IVD: variants seen among roughly 807,000 people sequenced by gnomAD.
IVD encodes isovaleryl-CoA dehydrogenase, mitochondrial.
IVD carries 31 observed loss-of-function variants against 51.3 expected under a neutral mutation model. That is an observed-to-expected ratio of 0.60 (90% CI 0.45 to 0.81). The LOEUF is 0.81. Ranked by LOEUF, IVD falls within the 40% of genes least tolerant of loss-of-function variation. The probability of loss-of-function intolerance (pLI) is 0.00; values close to 1 mark genes in which losing one functional copy is unlikely to be tolerated. For missense variants in IVD, 475 were observed against 552.0 expected (o/e 0.86, Z 1.40); for synonymous variants, 205 against 219.4 (o/e 0.93, Z 0.58).
intron 6 of IVD, among the ~76,000 whole-genome samples, chr15:40,412,032 G>A (rs1326590345): frequency 6.6e-6 from 1 of 152,232 alleles, no homozygotes; most frequent in Non-Finnish European, 1.5e-5. Context: ...TGGGTGGGAT[G>A]CAAGTGGAGA....
intron 1 of IVD, among the ~76,000 whole-genome samples, 175 bp from the exon 2 acceptor site, chr15:40,407,460 CT>C (rs1232519136): frequency 6.6e-6 from 1 of 152,248 alleles, no homozygotes; most frequent in Admixed American, 6.5e-5. Flanking sequence ...GCTGTCTAGG[CT>C]GAAGACCTTA....
At chr15:40,431,175 G>A (rs1331562200) in intron 7 of IVD, among the ~76,000 whole-genome samples, 3 of 150,714 alleles carry the variant, frequency 2.0e-5, no homozygotes, top group African/African-American at 7.4e-5. Flanking sequence ...TGGAGAACGG[G>A]GTCTCGCTTT....
At chr15:40,406,004 G>T (rs906489051) in intron 1 of IVD, 33 bp downstream of exon 1, 2 of 1,252,730 alleles carry the variant, frequency 1.6e-6, no homozygotes, top group Non-Finnish European at 2.2e-6. Flanking sequence ...TGGCCCCAAG[G>T]CCTCCTTCCT....
chr15:40,427,634 G>A (rs1466654017), downstream of IVD, among the ~76,000 whole-genome samples: 2 of 152,190 alleles, frequency 1.3e-5, no homozygotes, highest in East Asian at 3.9e-4. Context: ...GGCATACAGT[G>A]GGTCTCTTTA....
chr15:40,424,050 C>A (rs1216998469), downstream of IVD: 29 of 815,716 alleles, frequency 3.6e-5, no homozygotes, highest in Non-Finnish European at 4.8e-5. Context: ...TCACCCACCA[C>A]CCAGCCACTC....
rs1014641699 is a variant in IVD at position 40,419,763 on chromosome 15, C to T, written c.*1500C>T. ...GGCAGAGTTTGCAGTGAGCCAAGAT[C>T]ACACCACTGCACTCCAGCTTGGACG... is the stretch of plus-strand genomic sequence containing the variant. On this transcript the variant is annotated 3_prime_UTR_variant, in exon 12 of 12. Transcript: ENST00000487418. 6.5e-6 allele frequency: 1 copy of T among 154,050 alleles called. No homozygotes were observed. Among genetic ancestry groups the T allele is most frequent in the African/African-American group, 2.4e-5 (1 of 41,456 alleles). 9.5% of individuals were successfully genotyped at this position (154,050 alleles called of 1,614,324 possible). A position where few individuals can be genotyped will look rare whatever the true frequency, so the allele number is the denominator to read the frequency against.
chr15:40,418,647 C>CT lies in IVD; in HGVS notation c.*387dup. ...CCTGGGGGCATGCAGGTACCCACCT[C>CT]TTTCTCTTGGGTGAGGCTCTGGCAA... On this transcript the variant is annotated 3_prime_UTR_variant, in exon 12 of 12. Transcript: ENST00000487418. 2 of 1,151,468 alleles carry CT rather than the reference C, an allele frequency of 1.7e-6. No individual in the cohort carries two copies. Among genetic ancestry groups the CT allele is most frequent in the Non-Finnish European group, 2.2e-6 (2 of 925,712 alleles). The allele number at this position is 1,151,468 out of a possible 1,614,324, so 71.3% of individuals were successfully genotyped here.
intron 3 of IVD, among the ~76,000 whole-genome samples, chr15:40,409,211 G>T (rs568924060): frequency 1.3e-5 from 2 of 152,224 alleles, no homozygotes; most frequent in South Asian, 4.2e-4. Flanking sequence ...GAATCAGATT[G>T]TATTTTACGG....
chr15:40,422,284 A>G (rs1016424755), downstream of IVD, among the ~76,000 whole-genome samples: 5 of 152,052 alleles, frequency 3.3e-5, no homozygotes, highest in African/African-American at 1.2e-4. Context: ...ATCATTTCAT[A>G]AAAGGCTTTT....
At chr15:40,408,772 G>T (rs2141309911) in intron 3 of IVD, among the ~76,000 whole-genome samples, 1 of 152,192 alleles carries the variant, frequency 6.6e-6, no homozygotes, top group African/African-American at 2.4e-5. Flanking sequence ...CCAACATGGA[G>T]AAACTCTGTC....
At chr15:40,414,737 C>T in intron 7 of IVD, 152 bp from the exon 8 acceptor site, 1 of 1,371,940 alleles carries the variant, frequency 7.3e-7, no homozygotes, top group East Asian at 2.7e-5. Flanking sequence ...TCACTTGATC[C>T]TTTTCTTTCA....
chr15:40,425,507 T>G (rs1892621883), downstream of IVD, among the ~76,000 whole-genome samples: 1 of 151,166 alleles, frequency 6.6e-6, no homozygotes, highest in South Asian at 2.1e-4. Context: ...TTGTATAGTT[T>G]TTGTTTTCTT....
intron 3 of IVD, among the ~76,000 whole-genome samples, chr15:40,408,374 C>T (rs1426827446): frequency 6.6e-6 from 1 of 152,222 alleles, no homozygotes; most frequent in Non-Finnish European, 1.5e-5. Context: ...TTTGTCCTAC[C>T]AGTGGCCTCT....
chr15:40,416,099 G>A lies in IVD; in HGVS notation c.982G>A (p.Asp328Asn). The change falls in exon 10 of 12, where the codon GAC becomes AAC. Residue 328 changes from aspartate to asparagine, a missense_variant. Transcript: ENST00000487418. ...HFQLMQGKMA[D>N]MYTRLMACRQ... is the part of the protein sequence containing the mutation. ...CCAGTTGATGCAGGGGAAGATGGCTGACATGTACACCCGCCTCATGGCGTG... is the reference window on the plus strand; with the variant it reads ...CCAGTTGATGCAGGGGAAGATGGCTAACATGTACACCCGCCTCATGGCGTG... 1 of 1,614,266 alleles carries A rather than the reference G, an allele frequency of 6.2e-7. No individual in the cohort carries two copies. The highest frequency in any genetic ancestry group is 8.5e-7 in the Non-Finnish European group (1 of 1,180,058).
intron 3 of IVD, among the ~76,000 whole-genome samples, chr15:40,408,794 T>C (rs1890741607): frequency 6.6e-6 from 1 of 151,968 alleles, no homozygotes; most frequent in African/African-American, 2.4e-5. Flanking sequence ...CTACTAAAAA[T>C]ACAAAATTAG....
chr15:40,433,447 C>A (rs1893093089), intron 7 of IVD, among the ~76,000 whole-genome samples: 1 of 152,168 alleles, frequency 6.6e-6, no homozygotes, highest in Non-Finnish European at 1.5e-5. Flanking sequence ...ATCTGGATTT[C>A]TTCATCTTCC....
intron 3 of IVD, among the ~76,000 whole-genome samples, chr15:40,410,137 C>T (rs904404698): frequency 6.6e-6 from 1 of 152,152 alleles, no homozygotes; most frequent in African/African-American, 2.4e-5. Flanking sequence ...GCCTGGCCTC[C>T]AGTCCTGCTT....
intron 1 of IVD, chr15:40,406,407 A>C (rs1890422059): frequency 8.3e-7 from 1 of 1,197,776 alleles, no homozygotes; most frequent in Non-Finnish European, 1.1e-6. Context: ...TTTTTGTATA[A>C]ACAGTTTGGG....
rs138427412 is a variant in IVD, at chr15:40,415,413, G to T, written c.891G>T (p.Ala297=). The T allele has an allele frequency of 6.8e-6, 11 of 1,614,106 alleles. No homozygotes were observed. Among genetic ancestry groups the T allele is most frequent in the Non-Finnish European group, 9.3e-6 (11 of 1,180,014 alleles). Residue 297 remains alanine (A), a synonymous_variant, in exon 9 of 12, where the codon GCG becomes GCT. Transcript: ENST00000487418. ...TCCTTTCTGACAGGCTCATGCAAGC[G>T]GTCCTGGACCACACCATTCCCTACC... is the stretch of plus-strand genomic sequence containing the variant. The part of the protein sequence containing the change: ...LAGGPLGLMQ[A]VLDHTIPYLH...
Sources: gnomAD v4.1 joint callset for allele counts (sites outside exome capture counted in the v4.1 genomes callset) on GRCh38, gnomAD v4.1.1 for gene constraint, MANE v1.5 for transcripts, NCBI Gene and HGNC (gene_info 2026-07-23, HGNC 2026-07-21) for gene names.